The following EPB41L4B variants were observed in gnomAD, a reference collection of about 807,000 sequenced individuals.
EPB41L4B encodes the protein band 4.1-like protein 4B.
EPB41L4B carries 30 observed loss-of-function variants against 112.5 expected under a neutral mutation model. The observed-to-expected ratio is 0.27, with a 90% CI of 0.20 to 0.36. The LOEUF is 0.36. Among genes scored for constraint, EPB41L4B ranks in the 10% least tolerant of loss-of-function variants. EPB41L4B has a pLI of 1.00. For synonymous variants in EPB41L4B, 408 were observed against 439.7 expected (o/e 0.93, Z 0.90); for missense variants, 1,024 against 1,133.3 (o/e 0.90, Z 1.38).
chr9:109,239,759 T>C, intron 15 of EPB41L4B: 3 of 915,214 alleles, frequency 3.3e-6, no homozygotes, highest in South Asian at 5.0e-5. Context: ...TATTAGAGGG[T>C]ATTATATGGC....
At chr9:109,259,795 C>G (rs1460784500) in intron 6 of EPB41L4B, among the ~76,000 whole-genome samples, 1 of 152,216 alleles carries the variant, frequency 6.6e-6, no homozygotes, top group Non-Finnish European at 1.5e-5. Flanking sequence ...AGCACAGCCT[C>G]CCTGCAGGGC....
At chr9:109,256,313 C>T in intron 8 of EPB41L4B, 80 bp downstream of exon 8, 1 of 1,589,660 alleles carries the variant, frequency 6.3e-7, no homozygotes. Context: ...TTCCTCACCA[C>T]AAGTTATTTT....
At chr9:109,239,817 G>A in intron 15 of EPB41L4B, 1 of 985,362 alleles carries the variant, frequency 1.0e-6, no homozygotes, top group Non-Finnish European at 1.2e-6. Context: ...ATGCCTTCCT[G>A]CCAGGAAGAG....
At chr9:109,275,903 T>C (rs1835796651) in intron 2 of EPB41L4B, among the ~76,000 whole-genome samples, 1 of 151,988 alleles carries the variant, frequency 6.6e-6, no homozygotes. Flanking sequence ...TCTAGAAAGA[T>C]TTGACAAATG....
intron 13 of EPB41L4B, among the ~76,000 whole-genome samples, chr9:109,250,102 T>C (rs1834725321): frequency 6.6e-6 from 1 of 152,172 alleles, no homozygotes; most frequent in South Asian, 2.1e-4. Context: ...CATTTGTCTG[T>C]TCTGTATTTT....
At chr9:109,273,402 A>G (rs1426330251) in intron 2 of EPB41L4B, among the ~76,000 whole-genome samples, 2 of 152,006 alleles carry the variant, frequency 1.3e-5, no homozygotes, top group Non-Finnish European at 2.9e-5. Flanking sequence ...ATGTGCCACC[A>G]CGCCTGGCTA....
chr9:109,247,871 TC>T, intron 13 of EPB41L4B, 82 bp from the exon 14 acceptor site: 2 of 1,132,480 alleles, frequency 1.8e-6, no homozygotes, highest in Non-Finnish European at 2.5e-6. Flanking sequence ...TATTTAACAA[TC>T]ATGAACTATT....
At chr9:109,224,523 C>G (rs1222941488) in intron 15 of EPB41L4B, among the ~76,000 whole-genome samples, 2 of 152,130 alleles carry the variant, frequency 1.3e-5, no homozygotes, top group Admixed American at 6.5e-5. Context: ...GGATTACCGG[C>G]TACCTAGGAC....
chr9:109,174,590 C>T lies in EPB41L4B; in HGVS notation c.2667G>A (p.Glu889=), dbSNP rs768470928. ...AETLRQELER[E]KMMKRLLMTE... ...TCATCAACAGTCTTTTCATCATCTT[C>T]TCTCTCTCCAGTTCCTGCCGGAGTG... The change falls in exon 26 of 26, where the codon GAG becomes GAA. Residue 889 remains glutamate, a synonymous_variant. Transcript: ENST00000374566. The T allele has an allele frequency of 6.2e-7, 1 of 1,613,836 alleles. No homozygotes were observed. Among genetic ancestry groups the T allele is most frequent in the Non-Finnish European group, 8.5e-7 (1 of 1,179,780 alleles).
Position 109,320,278 on chromosome 9 carries a change from T to G in EPB41L4B, c.169A>C (p.Ser57Arg). The G allele has an allele frequency of 8.7e-7, 1 of 1,152,064 alleles. No individual in the cohort carries two copies. The highest frequency in any genetic ancestry group is 1.1e-6 in the Non-Finnish European group (1 of 934,140). The allele number at this position is 1,152,064 out of a possible 1,614,324, so 71.4% of individuals were successfully genotyped here. A position where few individuals can be genotyped will look rare whatever the true frequency, so the allele number is the denominator to read the frequency against. ...GGCCCGCCGCCCGCCGGGAACACGCTGCCCCCGGGCGCGGCGGGCAGCGCC... is the reference window on the plus strand; with the variant it reads ...GGCCCGCCGCCCGCCGGGAACACGCGGCCCCCGGGCGCGGCGGGCAGCGCC... ...SSALPAAPGG[S>R]VFPAGGGPLL... Residue 57 changes from serine to arginine, a missense_variant, in exon 1 of 26, where the codon AGC (serine) becomes CGC (arginine). Coordinates refer to ENST00000374566, the MANE Select transcript of EPB41L4B (RefSeq NM_019114.5).
chr9:109,310,277 G>A (rs1837368955), intron 1 of EPB41L4B, among the ~76,000 whole-genome samples: 1 of 145,532 alleles, frequency 6.9e-6, no homozygotes, highest in African/African-American at 2.5e-5. Context: ...ACATGATATT[G>A]TTTAGGAAAA....
chr9:109,228,218 C>T (rs2118894689), intron 15 of EPB41L4B, among the ~76,000 whole-genome samples: 1 of 152,306 alleles, frequency 6.6e-6, no homozygotes, highest in East Asian at 1.9e-4. Flanking sequence ...TCTTAGCTTA[C>T]TAAAAATCTT....
chr9:109,210,524 C>T (rs957169211), intron 17 of EPB41L4B, among the ~76,000 whole-genome samples: 4 of 152,090 alleles, frequency 2.6e-5, no homozygotes, highest in Admixed American at 6.5e-5. Context: ...AAAATAAGAA[C>T]GAAAAGTTAG....
chr9:109,179,102 A>G (rs1831957572), intron 24 of EPB41L4B, among the ~76,000 whole-genome samples: 1 of 152,234 alleles, frequency 6.6e-6, no homozygotes, highest in South Asian at 2.1e-4. Flanking sequence ...AGAAGCATGT[A>G]GAGCAGAAAT....
In EPB41L4B at chr9:109,316,580, G is replaced by C. The variant is rs536495256; in HGVS notation, c.306+3561C>G. On this transcript the variant is annotated intron_variant, in intron 1 of 25. Coordinates refer to ENST00000374566, the MANE Select transcript of EPB41L4B (RefSeq NM_019114.5). Reference sequence around the variant, plus strand: ...CTGAGGGTTGGGCAGGGCTGAGCTAGGCTAAGGAGAGGGAGGTGCTGTCGA... The same window carrying C: ...CTGAGGGTTGGGCAGGGCTGAGCTACGCTAAGGAGAGGGAGGTGCTGTCGA... Among the ~76,000 whole-genome samples the C allele has an allele frequency of 4.9e-4, 74 of 152,312 alleles. No homozygotes were observed. In the South Asian group the frequency reaches 0.014, roughly 29 times the overall value.
intron 11 of EPB41L4B, among the ~76,000 whole-genome samples, chr9:109,253,954 T>C (rs1048615235): frequency 5.9e-5 from 9 of 152,254 alleles, no homozygotes; most frequent in African/African-American, 2.2e-4. Flanking sequence ...CAGCTTTCTT[T>C]GCTATGCCAA....
intron 16 of EPB41L4B, among the ~76,000 whole-genome samples, chr9:109,215,689 G>A (rs1264551742): frequency 1.3e-5 from 2 of 152,050 alleles, no homozygotes; most frequent in Non-Finnish European, 2.9e-5. Flanking sequence ...TAAACAACAG[G>A]TTCTTTTCAT....
At chr9:109,292,817 C>T (rs1262296781) in intron 1 of EPB41L4B, among the ~76,000 whole-genome samples, 1 of 152,118 alleles carries the variant, frequency 6.6e-6, no homozygotes, top group African/African-American at 2.4e-5. Context: ...TGATGTTCTG[C>T]GATTTCCAAG....
chr9:109,173,156 C>A lies in EPB41L4B; in HGVS notation c.*1398G>T, dbSNP rs1831689583. On this transcript the variant is annotated 3_prime_UTR_variant, in exon 26 of 26. Transcript: ENST00000374566. The stretch of plus-strand genomic sequence containing the variant: ...TAAATAAAAATGGCAAAACCCAATA[C>A]TGGCAGAGCTATTGGTAAACAGAAA... The A allele has an allele frequency of 6.6e-6, 1 of 152,622 alleles. No homozygotes were observed. Among genetic ancestry groups the A allele is most frequent in the South Asian group, 2.1e-4 (1 of 4,834 alleles). The allele number at this position is 152,622 out of a possible 1,614,324, so 9.5% of individuals were successfully genotyped here. A position where few individuals can be genotyped will look rare whatever the true frequency, so the allele number is the denominator to read the frequency against.
Sources: gnomAD v4.1 joint callset for allele counts (sites outside exome capture counted in the v4.1 genomes callset) on GRCh38, gnomAD v4.1.1 for gene constraint, MANE v1.5 for transcripts, NCBI Gene and HGNC (gene_info 2026-07-23, HGNC 2026-07-21) for gene names.